Variants in HEBP1 observed in about 807,000 individuals in gnomAD.
The protein encoded by HEBP1 is heme binding protein 1, also known as heme-binding protein 1.
A neutral mutation model predicts 20.4 loss-of-function variants in HEBP1; 13 were observed. The ratio of observed to expected loss-of-function variants is 0.64; its 90% CI spans 0.42 to 1.01. The LOEUF is 1.01. Ranked by LOEUF, HEBP1 falls within the 50% of genes least tolerant of loss-of-function variation. The pLI, the probability that HEBP1 is intolerant of heterozygous loss-of-function variation, is 0.00. For synonymous variants in HEBP1, 92 were observed against 90.7 expected, an observed-to-expected ratio of 1.01 and a Z score of -0.08; for missense variants, 241 against 247.3, an observed-to-expected ratio of 0.97 and a Z score of 0.17.
At chr12:12,984,947 C>T (rs542674252) in intron 3 of HEBP1, among the ~76,000 whole-genome samples, 1 of 152,210 alleles carries the variant, frequency 6.6e-6, no homozygotes, top group African/African-American at 2.4e-5. Flanking sequence ...GTCAGGAGTT[C>T]AAGACCAGCC....
intron 3 of HEBP1, chr12:12,980,294 G>GA (rs1864061177): frequency 6.6e-6 from 1 of 152,200 alleles, no homozygotes; most frequent in African/African-American, 2.4e-5. Context: ...GGATGATAAA[G>GA]ATGTCTTTCT....
chr12:12,999,548 T>C (rs1244034255), intron 1 of HEBP1, among the ~76,000 whole-genome samples: 1 of 152,188 alleles, frequency 6.6e-6, no homozygotes, highest in East Asian at 1.9e-4. Context: ...ACTTAAAACT[T>C]AGGACTTCTG....
rs1372893120 is a variant in HEBP1 at position 12,987,158 on chromosome 12, T to C, written c.392A>G (p.Tyr131Cys). The change falls in exon 3 of 4, where the codon TAT becomes TGT. Residue 131 changes from tyrosine to cysteine, a missense_variant. Physicochemically the swap from Tyr to Cys is radical, Grantham distance 194 (BLOSUM62 -2). Transcript: ENST00000014930. ...KIEEREGITV[Y>C]SMQFGGYAKE... is the part of the protein sequence containing the mutation. ...TGAAGGATTGTCTCCTTACATGGAA[T>C]AGACAGTGATGCCTTCCCGTTCCTC... 6.2e-7 allele frequency: 1 copy of C among 1,613,756 alleles called. No homozygotes were observed. The highest frequency in any genetic ancestry group is 8.5e-7 in the Non-Finnish European group (1 of 1,179,702).
intron 1 of HEBP1, among the ~76,000 whole-genome samples, chr12:12,997,497 G>GAAGCCA (rs963646800): frequency 6.6e-5 from 10 of 152,150 alleles, no homozygotes; most frequent in African/African-American, 2.2e-4. Context: ...CTGTGTAGCG[G>GAAGCCA]AAGCCAAAGC....
At chr12:12,999,286 C>T (rs755012297) in intron 1 of HEBP1, among the ~76,000 whole-genome samples, 17 of 152,196 alleles carry the variant, frequency 1.1e-4, no homozygotes, top group Non-Finnish European at 8.8e-5. Flanking sequence ...ATCAATTAGG[C>T]ACAGTAAGAG....
chr12:12,989,844 A>T (rs1275996991), intron 1 of HEBP1, among the ~76,000 whole-genome samples: 1 of 152,214 alleles, frequency 6.6e-6, no homozygotes, highest in Non-Finnish European at 1.5e-5. Context: ...ACAATCCAAC[A>T]AAACTGTGAA....
Position 12,999,059 on chromosome 12 carries a change from C to T in HEBP1, c.78+978G>A, listed in dbSNP as rs558300607. On this transcript the variant is annotated intron_variant, in intron 1 of 3. Coordinates refer to ENST00000014930, the MANE Select transcript of HEBP1 (RefSeq NM_015987.5). The stretch of plus-strand genomic sequence containing the variant: ...CAGGACACTCCACTGAGGTCCCCAT[C>T]ATAGCCCCCTGGCAGAATTGACTGC... 1.3e-3 allele frequency among the ~76,000 whole-genome samples: 192 copies of T among 152,354 alleles called. 2 individuals carry two copies. The highest frequency in any genetic ancestry group is 4.4e-3 in the African/African-American group (185 of 41,576).
rs1864316743 is a variant in HEBP1, at chr12:12,998,437, G to A, written c.78+1600C>T. Among the ~76,000 whole-genome samples the A allele has an allele frequency of 6.6e-6, 1 of 152,156 alleles. No homozygotes were observed. Among genetic ancestry groups the A allele is most frequent in the Admixed American group, 6.5e-5 (1 of 15,270 alleles). On this transcript the variant is annotated intron_variant, in intron 1 of 3. Transcript: ENST00000014930. This position sits in a 1 kb window ranked among gnomAD's most constrained non-coding sequence, Gnocchi z 4.2. ...CAAGTGGCTGGAACTGCCGTTTAGAGATGGGGACCTGAGTTCACTCTCTGA... is the reference window on the plus strand; with the variant it reads ...CAAGTGGCTGGAACTGCCGTTTAGAAATGGGGACCTGAGTTCACTCTCTGA...
At chr12:12,979,940 G>A (rs1371115788) in intron 3 of HEBP1, 2 of 152,288 alleles carry the variant, frequency 1.3e-5, no homozygotes, top group African/African-American at 4.8e-5. Flanking sequence ...GTGAAGGCTA[G>A]TGGAGGGAAG....
chr12:12,984,800 A>G (rs1350595723), intron 3 of HEBP1, among the ~76,000 whole-genome samples: 2 of 151,916 alleles, frequency 1.3e-5, no homozygotes, highest in Non-Finnish European at 2.9e-5. Flanking sequence ...TCTTAACAAC[A>G]ACAACAAAAA....
intron 1 of HEBP1, among the ~76,000 whole-genome samples, chr12:12,995,235 C>T (rs1044460614): frequency 9.2e-5 from 14 of 152,200 alleles, no homozygotes; most frequent in African/African-American, 2.7e-4. Context: ...TTCTTACCCA[C>T]GCTGTACCTT....
At position 13,000,070 on chromosome 12, in the gene HEBP1, C is replaced by G. The variant is rs757002341; in HGVS notation, c.45G>C (p.Thr15=). 4.3e-6 allele frequency: 7 copies of G among 1,612,488 alleles called. No homozygotes were observed. The highest frequency in any genetic ancestry group is 5.9e-6 in the Non-Finnish European group (7 of 1,179,220). The change falls in exon 1 of 4, where the codon ACG becomes ACC. Residue 15 remains threonine, a synonymous_variant. Coordinates refer to ENST00000014930, the MANE Select transcript of HEBP1 (RefSeq NM_015987.5). The part of the protein sequence containing the change: ...IKNSLFGSVE[T]WPWQVLSKGD... Reference sequence around the variant, plus strand: ...CTTTGCTTAGGACCTGCCAAGGCCACGTCTCTACGCTTCCGAACAGCGAGT... The same window carrying G: ...CTTTGCTTAGGACCTGCCAAGGCCAGGTCTCTACGCTTCCGAACAGCGAGT...
rs567166662 is a variant in HEBP1, at chr12:12,986,292, A to C, written c.398+860T>G. 2 of 152,526 alleles carry C rather than the reference A, an allele frequency of 1.3e-5. No individual in the cohort carries two copies. Among genetic ancestry groups the C allele is most frequent in the African/African-American group, 4.8e-5 (2 of 41,570 alleles). The allele number at this position is 152,526 out of a possible 1,614,324, so 9.4% of individuals were successfully genotyped here. A position where few individuals can be genotyped will look rare whatever the true frequency, so the allele number is the denominator to read the frequency against. On this transcript the variant is annotated intron_variant, in intron 3 of 3. Transcript: ENST00000014930. This position sits in a 1 kb window ranked among gnomAD's most constrained non-coding sequence, Gnocchi z 4.3. ...GAACATTGACACAGCTCCGGGGAAA[A>C]TGGTCCCACCATCAGGTTCAGGGTT...
chr12:12,978,557 T>C (rs1341891397), intron 3 of HEBP1, among the ~76,000 whole-genome samples: 2 of 151,938 alleles, frequency 1.3e-5, no homozygotes, highest in African/African-American at 2.4e-5. Flanking sequence ...TTTGGAAGGA[T>C]CCCTCTGCTG....
chr12:12,987,612 T>TCTCTCTTTCTCTC lies in HEBP1; in HGVS notation c.218-281_218-280insGAGAGAAAGAGAG, dbSNP rs1230851526. Among the ~76,000 whole-genome samples the TCTCTCTTTCTCTC allele has an allele frequency of 1.4e-4, 16 of 117,842 alleles. No homozygotes were observed. The East Asian group carries it at 2.5e-3, about 18-fold the overall frequency. The allele number at this position is 117,842 out of a possible 152,430, so 77.3% of individuals were successfully genotyped here. On this transcript the variant is annotated intron_variant, in intron 2 of 3. Transcript: ENST00000014930. ...TCTTTCTCTCTCTCTCTCTCTCTCTTTCTCTCTCTCTCTCTCTCTCTCTTT... is the reference window on the plus strand; with the variant it reads ...TCTTTCTCTCTCTCTCTCTCTCTCTTCTCTCTTTCTCTCTCTCTCTCTCTCTCTCTCTCTCTTT...
chr12:12,978,434 C>T (rs1864029023), intron 3 of HEBP1, among the ~76,000 whole-genome samples: 1 of 151,902 alleles, frequency 6.6e-6, no homozygotes, highest in Non-Finnish European at 1.5e-5. Context: ...AACTCCTGAC[C>T]TCAGGTGATC....
At chr12:12,982,960 T>C (rs909118899) in intron 3 of HEBP1, among the ~76,000 whole-genome samples, 2 of 152,158 alleles carry the variant, frequency 1.3e-5, no homozygotes, top group African/African-American at 4.8e-5. Flanking sequence ...CCATAAAAGC[T>C]AGGTACTCAT....
chr12:12,990,713 T>C (rs1864214332), intron 1 of HEBP1, among the ~76,000 whole-genome samples: 1 of 152,148 alleles, frequency 6.6e-6, no homozygotes, highest in African/African-American at 2.4e-5. Context: ...ACTAACAAAT[T>C]AGCTACAAGA....
At position 13,000,110 on chromosome 12, in the gene HEBP1, A is replaced by T. The variant is rs1183898248; in HGVS notation, c.5T>A (p.Leu2Ter). Residue 2 changes from leucine (L) to a stop codon, truncating the protein, a stop_gained, in exon 1 of 4, where the codon TTG becomes TAG. Coordinates refer to ENST00000014930, the MANE Select transcript of HEBP1 (RefSeq NM_015987.5). LOFTEE classifies it high-confidence loss of function. M[L>*]GMIKNSLFGS... ...GAACAGCGAGTTCTTGATCATGCCC[A>T]ACATGTTGTAGCCGAGACGCTCCCG... 6.2e-7 allele frequency: 1 copy of T among 1,608,656 alleles called. No homozygotes were observed. The highest frequency in any genetic ancestry group is 1.3e-5 in the African/African-American group (1 of 74,680).
Sources: allele counts gnomAD v4.1 joint callset (sites outside exome capture counted in the v4.1 genomes callset), GRCh38; gene constraint gnomAD v4.1.1; non-coding constraint Gnocchi (gnomAD v3.1); transcripts MANE v1.5; gene names NCBI Gene and HGNC (gene_info 2026-07-23, HGNC 2026-07-21).